PIEZO2: variants seen among roughly 807,000 people sequenced by gnomAD.
The protein encoded by PIEZO2 is piezo-type mechanosensitive ion channel component 2.
In PIEZO2, 172 loss-of-function variants were observed where a neutral mutation model predicts 337.3. That is an observed-to-expected ratio of 0.51 (90% CI 0.45 to 0.58). PIEZO2 has a LOEUF of 0.58. Among genes scored for constraint, PIEZO2 ranks in the 20% least tolerant of loss-of-function variants. The probability of loss-of-function intolerance (pLI) is 0.00; values close to 1 mark genes in which losing one functional copy is unlikely to be tolerated. For missense variants in PIEZO2, 3,028 were observed against 3,391.3 expected (o/e 0.89, Z 2.66); for synonymous variants, 1,251 against 1,228.5 (o/e 1.02, Z -0.38).
At chr18:11,006,868 A>G (rs1466902775) in intron 2 of PIEZO2, among the ~76,000 whole-genome samples, 2 of 152,092 alleles carry the variant, frequency 1.3e-5, no homozygotes, top group African/African-American at 2.4e-5. Context: ...TCATTATATT[A>G]CCTATATATT....
intron 27 of PIEZO2, among the ~76,000 whole-genome samples, chr18:10,755,976 A>C (rs554369844): frequency 6.9e-6 from 1 of 144,988 alleles, no homozygotes; most frequent in East Asian, 2.1e-4. Flanking sequence ...GGGGATGAGG[A>C]GGAAAGATGG....
chr18:10,800,544 A>C (rs1338792858), intron 10 of PIEZO2, 69 bp from the exon 11 acceptor site: 3 of 1,445,502 alleles, frequency 2.1e-6, no homozygotes, highest in Admixed American at 5.5e-5. Context: ...ACATACCCCC[A>C]CTTCCCTTCC....
intron 4 of PIEZO2, among the ~76,000 whole-genome samples, chr18:10,909,153 C>T (rs769006074): frequency 2.0e-5 from 3 of 152,062 alleles, no homozygotes; most frequent in African/African-American, 4.8e-5. Context: ...GTCAAAAGGA[C>T]GAGAAGTCAA....
At chr18:10,761,501 C>A (rs1343887) in intron 23 of PIEZO2, among the ~76,000 whole-genome samples, 1 of 152,300 alleles carries the variant, frequency 6.6e-6, no homozygotes, top group South Asian at 2.1e-4. Context: ...GAACGGGAAG[C>A]TGCTTAGGGG....
Position 10,724,916 on chromosome 18 carries a change from C to A in PIEZO2, c.5029+6491G>T, listed in dbSNP as rs1349955107. 1.2e-6 allele frequency: 2 copies of A among 1,608,390 alleles called. No homozygotes were observed. Among genetic ancestry groups the A allele is most frequent in the African/African-American group, 2.7e-5 (2 of 74,830 alleles). ...CGGGGGCGTGGCACCCTGGGACAGC[C>A]TCCACCTGGACGGCGATGGAACCCA... is the stretch of plus-strand genomic sequence containing the variant. On this transcript the variant is annotated intron_variant, in intron 36 of 55. Coordinates refer to ENST00000674853, the MANE Select transcript of PIEZO2 (RefSeq NM_001378183.1). The surrounding 1 kb of genome is among the most constrained non-coding windows in gnomAD (Gnocchi z 5.8).
At chr18:11,015,545 C>T (rs1242812890) in intron 2 of PIEZO2, among the ~76,000 whole-genome samples, 10 of 152,212 alleles carry the variant, frequency 6.6e-5, no homozygotes, top group South Asian at 2.1e-4. Context: ...AAATATTTAA[C>T]CTGAAAATTT....
chr18:10,944,542 A>C (rs1033657982), intron 3 of PIEZO2, among the ~76,000 whole-genome samples: 2 of 140,878 alleles, frequency 1.4e-5, no homozygotes, highest in Admixed American at 7.1e-5. Flanking sequence ...ATATATATAT[A>C]TATCTTAGTA....
At chr18:10,841,577 T>C (rs1335155818) in intron 7 of PIEZO2, among the ~76,000 whole-genome samples, 1 of 152,294 alleles carries the variant, frequency 6.6e-6, no homozygotes, top group South Asian at 2.1e-4. Context: ...ACCTGTCAAC[T>C]GAGAGTTCTG....
At position 10,726,276 on chromosome 18, in the gene PIEZO2, T is replaced by C. The variant is rs1413769575; in HGVS notation, c.5029+5131A>G. 5.8e-6 allele frequency: 5 copies of C among 855,758 alleles called. No individual in the cohort carries two copies. The highest frequency in any genetic ancestry group is 3.7e-6 in the Non-Finnish European group (2 of 535,370). The allele number at this position is 855,758 out of a possible 1,614,324, so 53.0% of individuals were successfully genotyped here. On this transcript the variant is annotated intron_variant, in intron 36 of 55. Coordinates refer to ENST00000674853, the MANE Select transcript of PIEZO2 (RefSeq NM_001378183.1). The surrounding 1 kb of genome is among the most constrained non-coding windows in gnomAD (Gnocchi z 5.9). ...GAGCCTGTGTTCGGGAGCATGAGAA[T>C]GGAAGCGTCGCGGCCAGAGCCCCGG...
chr18:10,777,615 T>C (rs777902584), intron 18 of PIEZO2, among the ~76,000 whole-genome samples: 10 of 152,222 alleles, frequency 6.6e-5, no homozygotes, highest in Non-Finnish European at 1.0e-4. Flanking sequence ...AAAAGCTGCA[T>C]AGTAAACTAC....
intron 9 of PIEZO2, 22 bp downstream of exon 9, chr18:10,803,853 A>T (rs2039906561): frequency 1.3e-6 from 2 of 1,535,790 alleles, no homozygotes; most frequent in African/African-American, 2.7e-5. Flanking sequence ...AGGGAACGGA[A>T]ATCCCTTTCA....
intron 3 of PIEZO2, among the ~76,000 whole-genome samples, chr18:10,913,176 T>C (rs1037106504): frequency 4.6e-5 from 7 of 152,226 alleles, no homozygotes; most frequent in African/African-American, 1.7e-4. Flanking sequence ...GTGTGATATT[T>C]TGATACATGT....
At chr18:10,684,779 C>G (rs1462497414) in intron 49 of PIEZO2, among the ~76,000 whole-genome samples, 1 of 152,214 alleles carries the variant, frequency 6.6e-6, no homozygotes, top group Non-Finnish European at 1.5e-5. Context: ...CCTCCCTTTT[C>G]AAAGGCATTG....
intron 1 of PIEZO2, among the ~76,000 whole-genome samples, chr18:11,098,142 GTTAAA>G (rs2039310223): frequency 6.6e-6 from 1 of 151,956 alleles, no homozygotes; most frequent in Non-Finnish European, 1.5e-5. Flanking sequence ...ATGTGGAATA[GTTAAA>G]TTAGTTATGA....
intron 3 of PIEZO2, among the ~76,000 whole-genome samples, chr18:10,976,112 T>C (rs1365403989): frequency 6.6e-6 from 1 of 152,238 alleles, no homozygotes; most frequent in East Asian, 1.9e-4. Context: ...AAAGTCAGTG[T>C]TTCCATTACC....
At chr18:10,933,279 G>A (rs2032197530) in intron 3 of PIEZO2, among the ~76,000 whole-genome samples, 1 of 151,328 alleles carries the variant, frequency 6.6e-6, no homozygotes, top group Admixed American at 6.6e-5. Flanking sequence ...TGAACTGAAC[G>A]TTTACATTAC....
intron 27 of PIEZO2, among the ~76,000 whole-genome samples, chr18:10,756,211 A>G (rs2037838521): frequency 6.8e-6 from 1 of 146,410 alleles, no homozygotes; most frequent in South Asian, 2.3e-4. Context: ...GATAAGGAGG[A>G]GGGATGGGAG....
At chr18:10,811,626 A>C (rs1353858480) in intron 7 of PIEZO2, among the ~76,000 whole-genome samples, 2 of 152,180 alleles carry the variant, frequency 1.3e-5, no homozygotes, top group African/African-American at 2.4e-5. Context: ...TTAGTGCCCC[A>C]CTTTAGGAAA....
At chr18:10,914,415 T>C (rs565004550) in intron 3 of PIEZO2, among the ~76,000 whole-genome samples, 62 of 152,268 alleles carry the variant, frequency 4.1e-4, no homozygotes, top group Admixed American at 1.0e-3. Context: ...CAGGTGTTCA[T>C]GTCCCTCATA....
Sources: gnomAD v4.1 joint callset for allele counts (sites outside exome capture counted in the v4.1 genomes callset) on GRCh38, gnomAD v4.1.1 for gene constraint, Gnocchi (gnomAD v3.1) non-coding constraint, MANE v1.5 for transcripts, NCBI Gene and HGNC (gene_info 2026-07-23, HGNC 2026-07-21) for gene names.